NF1: variants seen among roughly 807,000 people sequenced by gnomAD.
NF1 encodes neurofibromin.
Under a neutral mutation model 325.7 loss-of-function variants are expected in NF1, and 122 were observed. The ratio of observed to expected loss-of-function variants is 0.37; its 90% CI spans 0.32 to 0.44. The LOEUF is 0.44. Among genes scored for constraint, NF1 ranks in the 20% least tolerant of loss-of-function variants. NF1 has a pLI of 1.00. For synonymous variants in NF1, 1,091 were observed against 1,186.0 expected (o/e 0.92, Z 1.65); for missense variants, 2,140 against 3,415.4 (o/e 0.63, Z 9.31).
intron 13 of NF1, among the ~76,000 whole-genome samples, chr17:31,218,344 A>T (rs1465763576): frequency 6.6e-6 from 1 of 152,182 alleles, no homozygotes; most frequent in Non-Finnish European, 1.5e-5. Flanking sequence ...GACATTATTC[A>T]CATTAATGAA....
chr17:31,152,199 C>A (rs920885405), intron 1 of NF1, among the ~76,000 whole-genome samples: 6 of 151,564 alleles, frequency 4.0e-5, no homozygotes, highest in African/African-American at 1.5e-4. Context: ...TAAATAATGT[C>A]CTCTTTCTGC....
intron 1 of NF1, among the ~76,000 whole-genome samples, chr17:31,142,587 G>A (rs1448248831): frequency 6.6e-6 from 1 of 152,130 alleles, no homozygotes; most frequent in Non-Finnish European, 1.5e-5. Flanking sequence ...CGGAAATGAG[G>A]CCGGGCACTG....
intron 1 of NF1, among the ~76,000 whole-genome samples, chr17:31,098,933 G>GA (rs556393516): frequency 0.63 from 63,268 of 100,282 alleles, 20,014 homozygotes; most frequent in Middle Eastern, 0.79. Context: ...CTCCATCTCA[G>GA]AAAAAAAAAA....
intron 56 of NF1, 56 bp downstream of exon 56, chr17:31,359,071 T>C: frequency 7.4e-7 from 1 of 1,360,534 alleles, no homozygotes. Context: ...CTGTTCAAAT[T>C]AGTATGCCTG....
intron 31 of NF1, chr17:31,257,827 T>C (rs1567861615): frequency 6.6e-6 from 1 of 152,364 alleles, no homozygotes; most frequent in Non-Finnish European, 1.5e-5. Context: ...TCTAATATTT[T>C]ATTTTGTATA....
rs896203423 is a variant in NF1, at chr17:31,281,796, C to G, written c.4835+16457C>G. On this transcript the variant is annotated intron_variant, in intron 36 of 57. Coordinates refer to ENST00000358273, the MANE Select transcript of NF1 (RefSeq NM_001042492.3). ...ATTGCCTGGGCACAGTGGCTCACAC[C>G]TATAATCCCTGCACTTTGGGAGACT... is the stretch of plus-strand genomic sequence containing the variant. 3.9e-5 allele frequency among the ~76,000 whole-genome samples: 6 copies of G among 152,218 alleles called. No individual in the cohort carries two copies. In the East Asian group the frequency reaches 1.2e-3, roughly 29 times the overall value.
intron 57 of NF1, 90 bp from the exon 58 acceptor site, chr17:31,373,923 G>T: frequency 6.6e-7 from 1 of 1,512,536 alleles, no homozygotes; most frequent in Non-Finnish European, 9.2e-7. Flanking sequence ...TTCCTAGAAT[G>T]TGTCCCCGTT....
At chr17:31,133,010 G>A (rs1019898696) in intron 1 of NF1, among the ~76,000 whole-genome samples, 9 of 152,094 alleles carry the variant, frequency 5.9e-5, no homozygotes, top group Non-Finnish European at 7.4e-5. Context: ...TAACATAAAC[G>A]TTACCATCTT....
intron 51 of NF1, 174 bp from the exon 52 acceptor site, chr17:31,356,286 C>CT: frequency 1.7e-6 from 1 of 603,676 alleles, no homozygotes; most frequent in Middle Eastern, 4.8e-4. Context: ...GAACAAAACC[C>CT]TTTGAGAAGA....
At chr17:31,320,257 G>T in intron 36 of NF1, 1 of 739,916 alleles carries the variant, frequency 1.4e-6, no homozygotes, top group South Asian at 2.9e-5. Flanking sequence ...TTGTTCTCCT[G>T]AGATTTACTA....
intron 35 of NF1, among the ~76,000 whole-genome samples, chr17:31,263,120 T>TA (rs1555619189): frequency 0.079 from 7,579 of 95,654 alleles, 678 homozygotes; most frequent in African/African-American, 0.19. Context: ...GATAGATAGA[T>TA]AGATAAGATA....
chr17:31,344,690 G>A lies in NF1; in HGVS notation c.7189+1555G>A, dbSNP rs114515675. On this transcript the variant is annotated intron_variant, in intron 48 of 57. Transcript: ENST00000358273. ...AGTGTTAATCTCTAAGGTCAATGGG[G>A]ATTTCTCAAAAAATACTACCTTACT... is the stretch of plus-strand genomic sequence containing the variant. Among the ~76,000 whole-genome samples, 1,248 of 152,290 alleles carry A rather than the reference G, an allele frequency of 8.2e-3. 14 individuals are homozygous for A. The highest frequency in any genetic ancestry group is 0.027 in the African/African-American group (1,102 of 41,564).
Position 31,304,808 on chromosome 17 carries a change from A to G in NF1, c.4836-21012A>G, listed in dbSNP as rs1597800287. The G allele has an allele frequency of 5.0e-6, 8 of 1,614,012 alleles. No individual in the cohort carries two copies. In the East Asian group the frequency reaches 1.8e-4, roughly 36 times the overall value. On this transcript the variant is annotated intron_variant, in intron 36 of 57. Coordinates refer to ENST00000358273, the MANE Select transcript of NF1 (RefSeq NM_001042492.3). Reference sequence around the variant, plus strand: ...TTCCAGGGTGTAAGTGAAATGATTGATGTACGTTTTGTGGATATTTCATTT... The same window carrying G: ...TTCCAGGGTGTAAGTGAAATGATTGGTGTACGTTTTGTGGATATTTCATTT...
intron 1 of NF1, among the ~76,000 whole-genome samples, chr17:31,119,155 A>G (rs1370472798): frequency 1.3e-5 from 2 of 152,014 alleles, no homozygotes; most frequent in African/African-American, 4.8e-5. Context: ...GTTGGGCAGG[A>G]TGGTCTTGAT....
chr17:31,197,113 C>G (rs1410317285), intron 8 of NF1, among the ~76,000 whole-genome samples: 2 of 151,552 alleles, frequency 1.3e-5, no homozygotes, highest in South Asian at 4.2e-4. Context: ...GGCGCGATCT[C>G]GGCTCACTAC....
In NF1 at chr17:31,318,627, G is replaced by A. The variant is rs767417611; in HGVS notation, c.4836-7193G>A. The A allele has an allele frequency of 2.5e-6, 4 of 1,614,050 alleles. No individual in the cohort carries two copies. In the South Asian group the frequency reaches 3.3e-5, roughly 13 times the overall value. On this transcript the variant is annotated intron_variant, in intron 36 of 57. Transcript: ENST00000358273. ...AAATTAGCATAGCCATGTTGTTGTTGTTTTCCGCACAGACATCCTTTTTGA... is the reference window on the plus strand; with the variant it reads ...AAATTAGCATAGCCATGTTGTTGTTATTTTCCGCACAGACATCCTTTTTGA...
intron 1 of NF1, among the ~76,000 whole-genome samples, chr17:31,139,018 T>C (rs1916008965): frequency 1.3e-5 from 2 of 152,192 alleles, no homozygotes; most frequent in African/African-American, 4.8e-5. Flanking sequence ...TACCTGGTGA[T>C]TCTGAGCTGT....
intron 1 of NF1, among the ~76,000 whole-genome samples, chr17:31,143,144 ATGTT>A (rs1252179230): frequency 1.3e-5 from 2 of 152,074 alleles, no homozygotes; most frequent in African/African-American, 2.4e-5. Context: ...TAGGTGCTGT[ATGTT>A]TGTCTTGCTT....
chr17:31,307,979 G>T (rs963448655), intron 36 of NF1: 5 of 1,220,858 alleles, frequency 4.1e-6, no homozygotes, highest in Non-Finnish European at 4.3e-6. Flanking sequence ...TAGAAGAAAA[G>T]ATATGTGATT....
Sources: allele counts gnomAD v4.1 joint callset (sites outside exome capture counted in the v4.1 genomes callset), GRCh38; gene constraint gnomAD v4.1.1; transcripts MANE v1.5; gene names NCBI Gene and HGNC (gene_info 2026-07-23, HGNC 2026-07-21).